Variants in JMJD1C observed in about 807,000 individuals in gnomAD.
The protein encoded by JMJD1C is jumonji domain containing 1C.
Under a neutral mutation model 245.3 loss-of-function variants are expected in JMJD1C, and 31 were observed. The observed-to-expected ratio is 0.13, with a 90% CI of 0.09 to 0.17. JMJD1C has a LOEUF of 0.17. Ranked by LOEUF, JMJD1C falls within the 10% of genes least tolerant of loss-of-function variation. JMJD1C has a pLI of 1.00. For synonymous variants in JMJD1C, 1,057 were observed against 1,017.4 expected (o/e 1.04, Z -0.74); for missense variants, 2,691 against 3,000.2 (o/e 0.90, Z 2.41).
chr10:63,415,234 C>G (rs572093332), intron 1 of JMJD1C, among the ~76,000 whole-genome samples: 26 of 149,608 alleles, frequency 1.7e-4, no homozygotes, highest in African/African-American at 3.9e-4. Flanking sequence ...ATCAGATATA[C>G]CTCATTATGA....
At chr10:63,354,935 A>G (rs1944705592) in intron 2 of JMJD1C, among the ~76,000 whole-genome samples, 1 of 150,896 alleles carries the variant, frequency 6.6e-6, no homozygotes, top group Admixed American at 6.6e-5. Context: ...AGGTGGGAGG[A>G]TCACTGAAGC....
chr10:63,214,771 C>G lies in JMJD1C; in HGVS notation c.1396G>C (p.Glu466Gln). 1 of 1,613,726 alleles carries G rather than the reference C, an allele frequency of 6.2e-7. No individual in the cohort carries two copies. Among genetic ancestry groups the G allele is most frequent in the Non-Finnish European group, 8.5e-7 (1 of 1,179,810 alleles). ...TTATGATCAGAAACTGTGGACTGTT[C>G]TGACGAATGAATAATCATATCTTCT... ...LQEDMIIHSS[E>Q]QSTVSDHNSN... The change falls in exon 8 of 26, where the codon GAA becomes CAA. Residue 466 changes from glutamate (E) to glutamine (Q), a missense_variant. Physicochemically the swap from Glu to Gln is conservative, Grantham distance 29. Transcript: ENST00000399262.
chr10:63,434,541 G>A (rs966896726), intron 1 of JMJD1C, among the ~76,000 whole-genome samples: 27 of 152,182 alleles, frequency 1.8e-4, no homozygotes, highest in African/African-American at 6.3e-4. Context: ...ACCGAGAGAG[G>A]AAGATTTCCA....
chr10:63,357,826 G>GACACACACACAC lies in JMJD1C; in HGVS notation c.333+22480_333+22491dup, dbSNP rs35073293. On this transcript the variant is annotated intron_variant, in intron 2 of 25. Transcript: ENST00000399262. ...AAATGTCAAAAGACACAGACAGACA[G>GACACACACACAC]ACACACACACACACACACACACACA... Among the ~76,000 whole-genome samples, 404 of 140,520 alleles carry GACACACACACAC rather than the reference G, an allele frequency of 2.9e-3. 2 individuals are homozygous for GACACACACACAC. Among genetic ancestry groups the GACACACACACAC allele is most frequent in the East Asian group, 0.014 (65 of 4,668 alleles). 92.2% of individuals were successfully genotyped at this position (140,520 alleles called of 152,430 possible). A position where few individuals can be genotyped will look rare whatever the true frequency, so the allele number is the denominator to read the frequency against.
intron 14 of JMJD1C, 106 bp from the exon 15 acceptor site, chr10:63,193,578 T>C: frequency 1.5e-6 from 1 of 671,036 alleles, no homozygotes; most frequent in South Asian, 2.6e-5. Context: ...AACGGAGGTT[T>C]TCTTGTGCCC....
chr10:63,207,658 T>C lies in JMJD1C; in HGVS notation c.4011A>G (p.Ala1337=). 1 of 1,614,158 alleles carries C rather than the reference T, an allele frequency of 6.2e-7. No homozygotes were observed. The highest frequency in any genetic ancestry group is 1.1e-5 in the South Asian group (1 of 91,082). The change falls in exon 10 of 26, where the codon GCA becomes GCG. Residue 1337 remains alanine, a synonymous_variant. Coordinates refer to ENST00000399262, the MANE Select transcript of JMJD1C (RefSeq NM_032776.3). ...CTAGTTTGAGGCAATCTGTTTTATG[T>C]GCCCCAGCTGAAGATCTTTCACTAA... ...DRVSERSSAG[A]HKTDCLKLAE...
At chr10:63,221,418 A>G (rs2133290909) in intron 3 of JMJD1C, among the ~76,000 whole-genome samples, 1 of 152,314 alleles carries the variant, frequency 6.6e-6, no homozygotes, top group South Asian at 2.1e-4. Context: ...CCAACAGGCC[A>G]AAGTAAGGGC....
chr10:63,264,555 T>C, intron 3 of JMJD1C, 96 bp downstream of exon 3: 2 of 610,308 alleles, frequency 3.3e-6, no homozygotes, highest in Non-Finnish European at 5.6e-6. Context: ...AGAAGTTAGA[T>C]GAAATGATAT....
At chr10:63,356,594 A>C (rs889457779) in intron 2 of JMJD1C, among the ~76,000 whole-genome samples, 1 of 152,188 alleles carries the variant, frequency 6.6e-6, no homozygotes, top group African/African-American at 2.4e-5. Flanking sequence ...CTGCCTTTCA[A>C]CTTTACAATC....
intron 3 of JMJD1C, chr10:63,222,202 C>T (rs1039769075): frequency 6.6e-6 from 5 of 758,938 alleles, no homozygotes; most frequent in Admixed American, 3.4e-5. Context: ...TGACTGACAC[C>T]ATGTTCAGAG....
intron 3 of JMJD1C, among the ~76,000 whole-genome samples, chr10:63,252,764 T>C (rs984881188): frequency 1.3e-5 from 2 of 152,174 alleles, no homozygotes; most frequent in African/African-American, 2.4e-5. Flanking sequence ...TATTCCCCCA[T>C]CAGCTGATTC....
At chr10:63,172,828 G>A (rs978595589) in intron 24 of JMJD1C, among the ~76,000 whole-genome samples, 3 of 149,750 alleles carry the variant, frequency 2.0e-5, no homozygotes, top group African/African-American at 7.4e-5. Flanking sequence ...TGGGGGAGGG[G>A]GGAAACATAC....
At chr10:63,362,333 T>C (rs1236789414) in intron 2 of JMJD1C, among the ~76,000 whole-genome samples, 1 of 152,034 alleles carries the variant, frequency 6.6e-6, no homozygotes, top group African/African-American at 2.4e-5. Context: ...TTATTCATTA[T>C]CTACTCAACA....
chr10:63,407,903 C>A (rs1949263980), intron 1 of JMJD1C, among the ~76,000 whole-genome samples: 1 of 150,986 alleles, frequency 6.6e-6, no homozygotes, highest in Non-Finnish European at 1.5e-5. Flanking sequence ...GAAAAGGAAG[C>A]TGAAAATTTT....
intron 1 of JMJD1C, among the ~76,000 whole-genome samples, chr10:63,509,100 C>T (rs1954801679): frequency 6.6e-6 from 1 of 152,178 alleles, no homozygotes; most frequent in South Asian, 2.1e-4. Flanking sequence ...GAAAGTTCCT[C>T]TCTCTTCCTA....
At chr10:63,269,716 G>T (rs1255039161) in intron 2 of JMJD1C, among the ~76,000 whole-genome samples, 1 of 151,842 alleles carries the variant, frequency 6.6e-6, no homozygotes, top group East Asian at 1.9e-4. Flanking sequence ...ATTTATTTTG[G>T]TAGATTTGAA....
intron 3 of JMJD1C, among the ~76,000 whole-genome samples, chr10:63,235,093 G>A (rs1850572792): frequency 6.6e-6 from 1 of 152,068 alleles, no homozygotes; most frequent in South Asian, 2.1e-4. Context: ...GAAAGCACCA[G>A]GTAAAATAAA....
At chr10:63,501,017 A>C (rs957537226) in intron 1 of JMJD1C, among the ~76,000 whole-genome samples, 1 of 82 alleles carries the variant, frequency 0.012, no homozygotes, top group African/African-American at 0.083. Flanking sequence ...TAGACTTCAT[A>C]ATTCCCAATT....
rs1353056331 is a variant in JMJD1C at position 63,215,002 on chromosome 10, T to G, written c.1165A>C (p.Ile389Leu). ...GGCTTCTGTTCTGAGGAATTATCTA[T>G]TATTCTCTTATTTGAATTTTCTGAG... ...SDSENSNKRI[I>L]DNSSEQKPEN... Residue 389 changes from isoleucine (I) to leucine (L), a missense_variant, in exon 8 of 26, where the codon ATA becomes CTA. Around this residue, in one of 9 missense-constraint regions of JMJD1C, gnomAD observed 1,562 missense variants for 1,490.7 expected, o/e 1.05. Transcript: ENST00000399262. 2.5e-6 allele frequency: 4 copies of G among 1,601,384 alleles called. No homozygotes were observed. Among genetic ancestry groups the G allele is most frequent in the Non-Finnish European group, 3.4e-6 (4 of 1,172,688 alleles).
Sources: allele counts gnomAD v4.1 joint callset (sites outside exome capture counted in the v4.1 genomes callset), GRCh38; gene constraint gnomAD v4.1.1; regional missense constraint gnomAD v4.1.1; transcripts MANE v1.5; gene names NCBI Gene and HGNC (gene_info 2026-07-23, HGNC 2026-07-21).